The following SEMA4B variants were observed in gnomAD, a reference collection of about 807,000 sequenced individuals.
SEMA4B encodes semaphorin 4B.
Under a neutral mutation model 88.1 loss-of-function variants are expected in SEMA4B, and 55 were observed. That is an observed-to-expected ratio of 0.62 (90% CI 0.50 to 0.78). SEMA4B has a LOEUF of 0.78. SEMA4B is among the 30% of genes least tolerant of loss of function. The pLI is 0.00. For missense variants in SEMA4B, 1,062 were observed against 1,111.9 expected (o/e 0.96, Z 0.64); for synonymous variants, 525 against 473.6 (o/e 1.11, Z -1.41).
chr15:90,198,206 C>T (rs886424814), upstream of SEMA4B, among the ~76,000 whole-genome samples: 15 of 152,042 alleles, frequency 9.9e-5, no homozygotes, highest in Admixed American at 2.0e-4. Context: ...CGTGAGCCAC[C>T]GCGCCTGGCT....
upstream of SEMA4B, among the ~76,000 whole-genome samples, chr15:90,197,764 C>T (rs1056234636): frequency 6.6e-6 from 1 of 151,444 alleles, no homozygotes; most frequent in African/African-American, 2.4e-5. Context: ...TTATCAATAG[C>T]TTGAATAAAG....
intron 1 of SEMA4B, among the ~76,000 whole-genome samples, chr15:90,188,971 G>C (rs942109964): frequency 2.0e-5 from 3 of 152,122 alleles, no homozygotes; most frequent in African/African-American, 7.2e-5. Flanking sequence ...GCCCAGCCAG[G>C]ATGAATATTC....
intron 1 of SEMA4B, chr15:90,193,555 A>G (rs1023756881): frequency 2.0e-5 from 3 of 152,248 alleles, no homozygotes; most frequent in Non-Finnish European, 4.4e-5. Context: ...TTTGAGCAGG[A>G]TATGATTATC....
rs1441802430 is a variant in SEMA4B at position 90,205,818 on chromosome 15, A to G, written c.157+4083A>G. Among the ~76,000 whole-genome samples, 5 of 152,226 alleles carry G rather than the reference A, an allele frequency of 3.3e-5. No individual in the cohort carries two copies. In the East Asian group the frequency reaches 7.7e-4, roughly 23 times the overall value. ...GTAGAAAAGACAAAGCAAGGCCCCC[A>G]GGAGCTGATTGGAGGTCATTACCAG... On this transcript the variant is annotated intron_variant, in intron 1 of 13. Coordinates refer to ENST00000411539, the MANE Select transcript of SEMA4B (RefSeq NM_198925.4).
chr15:90,210,248 C>A (rs999027412), intron 1 of SEMA4B, among the ~76,000 whole-genome samples: 1 of 152,072 alleles, frequency 6.6e-6, no homozygotes, highest in Non-Finnish European at 1.5e-5. Flanking sequence ...TGGAAGGGGG[C>A]GGTGAGGTGG....
rs564731979 is a variant in SEMA4B at position 90,227,547 on chromosome 15, T to C, written c.1689-10T>C. ...TCCTGGCCAATCCCAGAATTCTCTC[T>C]GGCCCTCAGGCCGTGGATCCAGGAC... On this transcript the variant is annotated splice_polypyrimidine_tract_variant and intron_variant, in intron 12 of 13. Coordinates refer to ENST00000411539, the MANE Select transcript of SEMA4B (RefSeq NM_198925.4). The C allele has an allele frequency of 5.0e-6, 8 of 1,613,514 alleles. No homozygotes were observed. The highest frequency in any genetic ancestry group is 6.8e-6 in the Non-Finnish European group (8 of 1,179,648).
chr15:90,226,346 A>G (rs1218503194), intron 12 of SEMA4B, among the ~76,000 whole-genome samples: 3 of 151,986 alleles, frequency 2.0e-5, no homozygotes, highest in Non-Finnish European at 2.9e-5. Flanking sequence ...ATTTCATTTC[A>G]TTTCATTTAT....
intron 7 of SEMA4B, among the ~76,000 whole-genome samples, chr15:90,222,954 G>GTATATATA (rs5814418): frequency 4.4e-3 from 571 of 130,190 alleles, no homozygotes; most frequent in Non-Finnish European, 6.4e-3. Flanking sequence ...GTAACTCTGT[G>GTATATATA]TATATATATA....
chr15:90,222,954 G>A (rs1410278377), intron 7 of SEMA4B, among the ~76,000 whole-genome samples: 3 of 130,620 alleles, frequency 2.3e-5, no homozygotes, highest in African/African-American at 9.0e-5. Context: ...GTAACTCTGT[G>A]TATATATATA....
At chr15:90,197,250 T>C (rs760817782), upstream of SEMA4B, among the ~76,000 whole-genome samples, 4 of 151,674 alleles carry the variant, frequency 2.6e-5, no homozygotes, top group Admixed American at 6.6e-5. Flanking sequence ...ATTATCCGAG[T>C]GTGGTGGTGC....
intron 4 of SEMA4B, chr15:90,220,122 A>C (rs1233394795): frequency 2.0e-6 from 1 of 500,718 alleles, no homozygotes; most frequent in East Asian, 3.4e-5. Flanking sequence ...TCACTTACCC[A>C]TGAAGATCCT....
chr15:90,215,044 T>C, intron 1 of SEMA4B: 1 of 1,236,876 alleles, frequency 8.1e-7, no homozygotes, highest in Non-Finnish European at 1.0e-6. Context: ...CGTGAGACTG[T>C]TTGTGTGGTC....
Position 90,221,104 on chromosome 15 carries a change from AG to A in SEMA4B, c.595+14del, listed in dbSNP as rs577351454. 37 of 1,584,074 alleles carry A rather than the reference AG, an allele frequency of 2.3e-5. No homozygotes were observed. Among genetic ancestry groups the A allele is most frequent in the Non-Finnish European group, 3.1e-5 (36 of 1,160,922 alleles). ...CTGCCCTGGTGGTTGGTGAGTGTTG[AG>A]GGCAGGATGGCTTCATTGAGGTTCC... is the stretch of plus-strand genomic sequence containing the variant. On this transcript the variant is annotated intron_variant, in intron 5 of 13. Transcript: ENST00000411539.
chr15:90,224,849 T>C (rs1962055997), intron 9 of SEMA4B, 119 bp from the exon 10 acceptor site: 2 of 797,428 alleles, frequency 2.5e-6, no homozygotes, highest in East Asian at 5.1e-5. Flanking sequence ...CTGCCAGGGA[T>C]GTGCCCTGGC....
chr15:90,216,459 C>T (rs930581659), intron 1 of SEMA4B, among the ~76,000 whole-genome samples: 2 of 152,040 alleles, frequency 1.3e-5, no homozygotes, highest in Admixed American at 1.3e-4. Context: ...TTTATTATTC[C>T]ATTAGCCATT....
chr15:90,186,643 T>G (rs1002234018), intron 1 of SEMA4B, among the ~76,000 whole-genome samples: 2 of 136,066 alleles, frequency 1.5e-5, no homozygotes, highest in Non-Finnish European at 3.2e-5. Context: ...AAAAATAAAA[T>G]AATAAAAATA....
Position 90,221,661 on chromosome 15 carries a change from T to C in SEMA4B, c.757T>C (p.Leu253=), listed in dbSNP as rs1961854166. ...SAYIPESLGS[L]QGDDDKIYFF... ...CTACATTCCTGAGAGCCTGGGCAGC[T>C]TGCAAGGCGATGATGACAAGATCTA... The change falls in exon 7 of 14, where the codon TTG becomes CTG. Residue 253 remains leucine, a synonymous_variant. Coordinates refer to ENST00000411539, the MANE Select transcript of SEMA4B (RefSeq NM_198925.4). 1 of 1,613,934 alleles carries C rather than the reference T, an allele frequency of 6.2e-7. No individual in the cohort carries two copies. The highest frequency in any genetic ancestry group is 1.3e-5 in the African/African-American group (1 of 74,946).
At chr15:90,220,772 G>A (rs1295856446) in intron 4 of SEMA4B, among the ~76,000 whole-genome samples, 1 of 152,182 alleles carries the variant, frequency 6.6e-6, no homozygotes, top group African/African-American at 2.4e-5. Context: ...GTCTGGGTGA[G>A]GCCTCTCCTG....
chr15:90,215,749 T>TTGCG (rs1961503634), intron 1 of SEMA4B, among the ~76,000 whole-genome samples: 1 of 151,782 alleles, frequency 6.6e-6, no homozygotes, highest in African/African-American at 2.4e-5. Flanking sequence ...AAGGCGGAGG[T>TTGCG]TGCGGTGAGC....
Sources: allele counts gnomAD v4.1 joint callset (sites outside exome capture counted in the v4.1 genomes callset), GRCh38; gene constraint gnomAD v4.1.1; transcripts MANE v1.5; gene names NCBI Gene and HGNC (gene_info 2026-07-23, HGNC 2026-07-21).